LDB2: variants seen among roughly 807,000 people sequenced by gnomAD.
LDB2 encodes LIM domain-binding protein 2.
Under a neutral mutation model 44.3 loss-of-function variants are expected in LDB2, and 12 were observed. That is an observed-to-expected ratio of 0.27 (90% confidence interval 0.17 to 0.44). LDB2 has a LOEUF of 0.44. Among genes scored for constraint, LDB2 ranks in the 20% least tolerant of loss-of-function variants. The probability of loss-of-function intolerance (pLI) is 1.00; values close to 1 mark genes in which losing one functional copy is unlikely to be tolerated. For missense variants in LDB2, 344 were observed against 473.5 expected (o/e 0.73, Z 2.54); for synonymous variants, 164 against 174.8 (o/e 0.94, Z 0.49).
At chr4:16,559,921 A>G (rs906995604) in intron 5 of LDB2, among the ~76,000 whole-genome samples, 1 of 152,150 alleles carries the variant, frequency 6.6e-6, no homozygotes, top group Non-Finnish European at 1.5e-5. Flanking sequence ...CTCACTCAAA[A>G]CCGCTCAACT....
At chr4:16,675,239 T>A (rs978672255) in intron 2 of LDB2, among the ~76,000 whole-genome samples, 7 of 152,192 alleles carry the variant, frequency 4.6e-5, no homozygotes, top group African/African-American at 1.7e-4. Flanking sequence ...TTGGCATCCA[T>A]CACACCTGAC....
chr4:16,734,624 C>G (rs1278526870), intron 2 of LDB2, among the ~76,000 whole-genome samples: 1 of 152,138 alleles, frequency 6.6e-6, no homozygotes, highest in Non-Finnish European at 1.5e-5. Flanking sequence ...CCCCAGCCCC[C>G]TGGCCGAGGC....
intron 2 of LDB2, among the ~76,000 whole-genome samples, chr4:16,717,386 C>T (rs1336753558): frequency 1.3e-5 from 2 of 152,020 alleles, no homozygotes; most frequent in Non-Finnish European, 2.9e-5. Context: ...AAAACATATT[C>T]TGCCTCCAAC....
At chr4:16,517,134 G>A (rs1209753177) in intron 5 of LDB2, among the ~76,000 whole-genome samples, 2 of 152,142 alleles carry the variant, frequency 1.3e-5, no homozygotes, top group African/African-American at 4.8e-5. Context: ...TCCGTTGGGA[G>A]CTGCCATTCC....
intron 6 of LDB2, among the ~76,000 whole-genome samples, chr4:16,509,208 A>G (rs1025008090): frequency 2.0e-5 from 3 of 152,188 alleles, no homozygotes; most frequent in Non-Finnish European, 2.9e-5. Flanking sequence ...CACCTCTATT[A>G]TACCTTTATA....
rs560483867 is a variant in LDB2 at position 16,563,860 on chromosome 4, A to C, written c.615+22062T>G. On this transcript the variant is annotated intron_variant, in intron 5 of 7. Coordinates refer to ENST00000304523, the MANE Select transcript of LDB2 (RefSeq NM_001290.5). ...ATGGAGGCTCTGCAGTCCCCAGTTC[A>C]TGGCTGTTCTTTTAGAGGATCCACA... Among the ~76,000 whole-genome samples, 16 of 152,256 alleles carry C rather than the reference A, an allele frequency of 1.1e-4. No individual in the cohort carries two copies. In the South Asian group the frequency reaches 3.3e-3, roughly 32 times the overall value.
At chr4:16,860,823 CT>C (rs2110257788) in intron 1 of LDB2, among the ~76,000 whole-genome samples, 1 of 152,306 alleles carries the variant, frequency 6.6e-6, no homozygotes, top group South Asian at 2.1e-4. Context: ...TCCAGCAATA[CT>C]GTGACCTTGG....
chr4:16,876,865 T>C (rs1411334322), intron 1 of LDB2, among the ~76,000 whole-genome samples: 1 of 152,036 alleles, frequency 6.6e-6, no homozygotes, highest in African/African-American at 2.4e-5. Context: ...CCTTTAACCA[T>C]TGATTCAGTG....
At chr4:16,529,633 G>A (rs1729444579) in intron 5 of LDB2, among the ~76,000 whole-genome samples, 1 of 152,020 alleles carries the variant, frequency 6.6e-6, no homozygotes, top group African/African-American at 2.4e-5. Context: ...AATCACATAG[G>A]GAGCTTCTCT....
intron 5 of LDB2, among the ~76,000 whole-genome samples, chr4:16,565,774 A>G (rs1744287698): frequency 6.6e-6 from 1 of 152,054 alleles, no homozygotes. Context: ...AATATTAAGA[A>G]TAGTTTAAAG....
At chr4:16,638,680 A>T (rs896917072) in intron 2 of LDB2, among the ~76,000 whole-genome samples, 1 of 152,220 alleles carries the variant, frequency 6.6e-6, no homozygotes, top group African/African-American at 2.4e-5. Context: ...TGATGTATTC[A>T]TTCAGCAAAA....
intron 2 of LDB2, among the ~76,000 whole-genome samples, chr4:16,737,758 AG>A (rs1262642950): frequency 6.6e-6 from 1 of 152,190 alleles, no homozygotes; most frequent in African/African-American, 2.4e-5. Flanking sequence ...AAAAATCAGA[AG>A]GGTATAAACA....
At chr4:16,608,862 C>T (rs574997815) in intron 2 of LDB2, among the ~76,000 whole-genome samples, 66 of 152,280 alleles carry the variant, frequency 4.3e-4, no homozygotes, top group African/African-American at 1.6e-3. Context: ...AGCAGGGCTG[C>T]TCCATTGCAG....
At chr4:16,686,532 C>G (rs1749295296) in intron 2 of LDB2, among the ~76,000 whole-genome samples, 1 of 152,186 alleles carries the variant, frequency 6.6e-6, no homozygotes, top group Non-Finnish European at 1.5e-5. Context: ...GGCAGAAATG[C>G]TGACAACTGA....
At chr4:16,826,685 C>T (rs546841152) in intron 1 of LDB2, 1 of 152,012 alleles carries the variant, frequency 6.6e-6, no homozygotes, top group Non-Finnish European at 1.5e-5. Context: ...TAATGTACAC[C>T]GTGAAAAGGG....
chr4:16,771,182 C>A (rs1770578745), intron 1 of LDB2, among the ~76,000 whole-genome samples: 1 of 151,984 alleles, frequency 6.6e-6, no homozygotes, highest in South Asian at 2.1e-4. Context: ...GTGCCAGGAC[C>A]AAGGCCACAG....
intron 2 of LDB2, among the ~76,000 whole-genome samples, chr4:16,598,832 G>C (rs910977427): frequency 2.6e-5 from 4 of 151,214 alleles, no homozygotes; most frequent in Non-Finnish European, 4.4e-5. Flanking sequence ...ATCCCTCAGA[G>C]GTCAGTCTCA....
At chr4:16,759,025 A>G (rs912342197) in intron 2 of LDB2, 133 bp downstream of exon 2, 3 of 604,668 alleles carry the variant, frequency 5.0e-6, no homozygotes, top group African/African-American at 3.7e-5. Flanking sequence ...TGACTCGATG[A>G]GAAGCAAGAA....
intron 2 of LDB2, among the ~76,000 whole-genome samples, chr4:16,627,799 T>C (rs1220226254): frequency 6.6e-6 from 1 of 152,202 alleles, no homozygotes; most frequent in Non-Finnish European, 1.5e-5. Flanking sequence ...GGGATATCAT[T>C]TCCAAAATTA....
Sources: allele counts gnomAD v4.1 joint callset (sites outside exome capture counted in the v4.1 genomes callset), GRCh38; gene constraint gnomAD v4.1.1; transcripts MANE v1.5; gene names NCBI Gene and HGNC (gene_info 2026-07-23, HGNC 2026-07-21).